Variants in CABLES1 observed in about 807,000 individuals in gnomAD.
The protein encoded by CABLES1 is CDK5 and ABL1 enzyme substrate 1.
A neutral mutation model predicts 57.8 loss-of-function variants in CABLES1; 36 were observed. The observed-to-expected ratio is 0.62, with a 90% CI of 0.48 to 0.82. The LOEUF (loss-of-function observed/expected upper bound fraction) is 0.82, where lower values mean the gene tolerates loss of function less well. CABLES1 is among the 40% of genes least tolerant of loss of function. The pLI is 0.00. For missense variants in CABLES1, 767 were observed against 836.6 expected (o/e 0.92, Z 1.03); for synonymous variants, 374 against 363.0 (o/e 1.03, Z -0.35).
intron 1 of CABLES1, among the ~76,000 whole-genome samples, chr18:23,151,289 A>G (rs147051111): frequency 0.011 from 1,655 of 151,760 alleles, 43 homozygotes; most frequent in African/African-American, 0.038. Flanking sequence ...AAGTGCTGGG[A>G]TTACATGCGT....
intron 4 of CABLES1, among the ~76,000 whole-genome samples, chr18:23,224,114 C>CTTT (rs879709419): frequency 7.3e-6 from 1 of 136,938 alleles, no homozygotes; most frequent in African/African-American, 2.7e-5. Flanking sequence ...TCGGCTTCCA[C>CTTT]TTTTTTTTTT....
chr18:23,256,550 G>A (rs1598893822), intron 9 of CABLES1, among the ~76,000 whole-genome samples: 1 of 152,030 alleles, frequency 6.6e-6, no homozygotes, highest in East Asian at 1.9e-4. Flanking sequence ...GCACAATCTT[G>A]ACTCACTGCA....
chr18:23,154,450 T>C (rs780724122), intron 1 of CABLES1, among the ~76,000 whole-genome samples: 8 of 152,210 alleles, frequency 5.3e-5, no homozygotes, highest in Non-Finnish European at 1.0e-4. Context: ...CATCTGCCGA[T>C]TCCTTAATCT....
intron 4 of CABLES1, among the ~76,000 whole-genome samples, chr18:23,223,329 C>T (rs2047503221): frequency 6.6e-6 from 1 of 152,076 alleles, no homozygotes; most frequent in African/African-American, 2.4e-5. Flanking sequence ...CCTGTAATCC[C>T]AGCACTTTGG....
intron 7 of CABLES1, among the ~76,000 whole-genome samples, chr18:23,237,962 G>C (rs905909529): frequency 6.6e-6 from 1 of 151,938 alleles, no homozygotes; most frequent in African/African-American, 2.4e-5. Context: ...CAGAACAGTC[G>C]ATTGGCCAGG....
intron 1 of CABLES1, among the ~76,000 whole-genome samples, chr18:23,164,765 TTAAC>T (rs1339398315): frequency 9.9e-5 from 15 of 152,112 alleles, no homozygotes; most frequent in Non-Finnish European, 8.8e-5. Flanking sequence ...AATTTATCTC[TTAAC>T]TATTCTTTTT....
Position 23,187,453 on chromosome 18 carries a change from C to T in CABLES1, c.846-1385C>T, listed in dbSNP as rs570821129. Reference sequence around the variant, plus strand: ...CCAGGCTGGAGTCCAGTGGCACGATCTCAGCTCACTGCAACCTCTGCCTCC... The same window carrying T: ...CCAGGCTGGAGTCCAGTGGCACGATTTCAGCTCACTGCAACCTCTGCCTCC... On this transcript the variant is annotated intron_variant, in intron 1 of 9. Coordinates refer to ENST00000256925, the MANE Select transcript of CABLES1 (RefSeq NM_001100619.3). 8.4e-4 allele frequency among the ~76,000 whole-genome samples: 128 copies of T among 152,346 alleles called. 1 individual carries two copies. The highest frequency in any genetic ancestry group is 2.9e-3 in the African/African-American group (122 of 41,580).
chr18:23,247,095 G>C (rs1236054429), intron 7 of CABLES1, among the ~76,000 whole-genome samples: 1 of 152,250 alleles, frequency 6.6e-6, no homozygotes, highest in East Asian at 1.9e-4. Flanking sequence ...CTGAGGGGCT[G>C]TGGTAATCCC....
chr18:23,225,241 T>C lies in CABLES1; in HGVS notation c.1089-9367T>C, dbSNP rs141590246. Among the ~76,000 whole-genome samples, 6 of 152,370 alleles carry C rather than the reference T, an allele frequency of 3.9e-5. No individual in the cohort carries two copies. The East Asian group carries it at 1.2e-3, about 29-fold the overall frequency. On this transcript the variant is annotated intron_variant, in intron 4 of 9. Coordinates refer to ENST00000256925, the MANE Select transcript of CABLES1 (RefSeq NM_001100619.3). ...TTCCCAGTCAGGTTCACAGTGAGTTTGTCAGTGGTGCAATTCTACAAATAA... is the reference window on the plus strand; with the variant it reads ...TTCCCAGTCAGGTTCACAGTGAGTTCGTCAGTGGTGCAATTCTACAAATAA...
intron 7 of CABLES1, among the ~76,000 whole-genome samples, chr18:23,243,094 A>G (rs2047776691): frequency 1.3e-5 from 2 of 151,222 alleles, no homozygotes; most frequent in African/African-American, 2.4e-5. Context: ...ATATAGAACT[A>G]TATATATATC....
chr18:23,192,268 C>T (rs1238800329), intron 2 of CABLES1, among the ~76,000 whole-genome samples: 1 of 152,238 alleles, frequency 6.6e-6, no homozygotes, highest in East Asian at 1.9e-4. Flanking sequence ...TGGCTGCCAT[C>T]GGCACCTGCC....
At chr18:23,188,063 A>G (rs533203033) in intron 1 of CABLES1, among the ~76,000 whole-genome samples, 1 of 152,294 alleles carries the variant, frequency 6.6e-6, no homozygotes, top group East Asian at 1.9e-4. Context: ...TTACTATCAA[A>G]TGATGGTCTT....
At chr18:23,236,076 G>T (rs1404953966) in intron 6 of CABLES1, 25 bp downstream of exon 6, 2 of 1,611,158 alleles carry the variant, frequency 1.2e-6, no homozygotes, top group South Asian at 1.1e-5. Flanking sequence ...GCTGGGTCTG[G>T]TAGCTCGTGG....
chr18:23,253,819 C>T lies in CABLES1; in HGVS notation c.1644C>T (p.Leu548=), dbSNP rs367970943. 1.4e-5 allele frequency: 23 copies of T among 1,614,224 alleles called. No individual in the cohort carries two copies. In the African/African-American group the frequency reaches 2.0e-4, roughly 14 times the overall value. Residue 548 remains leucine (L), a synonymous_variant, in exon 9 of 10, where the codon CTC becomes CTT. Transcript: ENST00000256925. ...VAMAFVYFEK[L]ALKGKLNKQN... ...TGGCCTTCGTCTACTTTGAAAAGCT[C>T]GCCCTCAAGGGGAAACTCAACAAAC...
intron 1 of CABLES1, among the ~76,000 whole-genome samples, chr18:23,166,196 G>A (rs2047041184): frequency 6.6e-6 from 1 of 151,358 alleles, no homozygotes; most frequent in African/African-American, 2.4e-5. Flanking sequence ...TGTATAATAT[G>A]AATGCAATTT....
chr18:23,249,780 T>C (rs75407979), intron 7 of CABLES1, among the ~76,000 whole-genome samples: 2,034 of 152,178 alleles, frequency 0.013, 35 homozygotes, highest in African/African-American at 0.044. Flanking sequence ...TTTCCACTGC[T>C]AGCGATCTTC....
In CABLES1 at chr18:23,214,326, C is replaced by T. The variant is rs1568070790; in HGVS notation, c.1088+272C>T. 3 of 327,426 alleles carry T rather than the reference C, an allele frequency of 9.2e-6. No individual in the cohort carries two copies. The East Asian group carries it at 1.8e-4, about 20-fold the overall frequency. The allele number at this position is 327,426 out of a possible 1,614,324, so 20.3% of individuals were successfully genotyped here. ...TATCCAATACTTGCTTTAGCAAGAACATTATGGGGCCCACCATATTCCACA... is the reference window on the plus strand; with the variant it reads ...TATCCAATACTTGCTTTAGCAAGAATATTATGGGGCCCACCATATTCCACA... On this transcript the variant is annotated intron_variant, in intron 4 of 9. Transcript: ENST00000256925.
chr18:23,239,629 G>A (rs983517734), intron 7 of CABLES1, among the ~76,000 whole-genome samples: 31 of 152,328 alleles, frequency 2.0e-4, no homozygotes, highest in Middle Eastern at 6.8e-3. Flanking sequence ...GTGTGTTGGG[G>A]AACAGGTATA....
intron 1 of CABLES1, among the ~76,000 whole-genome samples, chr18:23,142,588 G>A (rs2046864369): frequency 6.6e-6 from 1 of 152,208 alleles, no homozygotes; most frequent in South Asian, 2.1e-4. Context: ...TGTAGAAAAG[G>A]AAATCTTGGT....
Sources: allele counts gnomAD v4.1 joint callset (sites outside exome capture counted in the v4.1 genomes callset), GRCh38; gene constraint gnomAD v4.1.1; transcripts MANE v1.5; gene names NCBI Gene and HGNC (gene_info 2026-07-23, HGNC 2026-07-21).